The following JAKMIP3 variants were observed in gnomAD, a reference collection of about 807,000 sequenced individuals.
JAKMIP3 encodes Janus kinase and microtubule interacting protein 3, also known as janus kinase and microtubule-interacting protein 3.
In JAKMIP3, 58 loss-of-function variants were observed where a neutral mutation model predicts 118.5. That is an observed-to-expected ratio of 0.49 (90% CI 0.40 to 0.61). JAKMIP3 has a LOEUF of 0.61. JAKMIP3 is among the 20% of genes least tolerant of loss of function. JAKMIP3 has a pLI of 0.00. For missense variants in JAKMIP3, 950 were observed against 1,109.0 expected, an observed-to-expected ratio of 0.86 and a Z score of 2.04; for synonymous variants, 486 against 451.2, an observed-to-expected ratio of 1.08 and a Z score of -0.98.
intron 19 of JAKMIP3, among the ~76,000 whole-genome samples, chr10:132,159,262 TGTC>T (rs1419121531): frequency 1.6e-5 from 2 of 122,818 alleles, no homozygotes; most frequent in Non-Finnish European, 3.3e-5. Context: ...CCCTGTGTGA[TGTC>T]GGGGGCACCT....
At chr10:132,170,913 C>T (rs1025595537) in intron 23 of JAKMIP3, among the ~76,000 whole-genome samples, 12 of 152,324 alleles carry the variant, frequency 7.9e-5, no homozygotes, top group African/African-American at 1.9e-4. Context: ...GAAAGGAAAA[C>T]GTGTGAGTCA....
rs1196042572 is a variant in JAKMIP3, at chr10:132,049,643, C to T, written c.-138+12905C>T. Reference sequence around the variant, plus strand: ...TGTTTGGATGTACAGGTTTCTTCTGCCTTGTGTTTTTTCTTTTTTAAAAGT... The same window carrying T: ...TGTTTGGATGTACAGGTTTCTTCTGTCTTGTGTTTTTTCTTTTTTAAAAGT... On this transcript the variant is annotated intron_variant, in intron 1 of 23. Coordinates refer to the JAKMIP3 transcript ENST00000657785. This position sits in a 1 kb window ranked among gnomAD's most constrained non-coding sequence, Gnocchi z 4.3. Among the ~76,000 whole-genome samples the T allele has an allele frequency of 6.6e-6, 1 of 151,934 alleles. No individual in the cohort carries two copies. The highest frequency in any genetic ancestry group is 1.5e-5 in the Non-Finnish European group (1 of 68,004).
rs367925653 is a variant in JAKMIP3 at position 132,177,606 on chromosome 10, CTG to C, written c.*1104-4748_*1104-4747del. Among the ~76,000 whole-genome samples, 686 of 146,372 alleles carry C rather than the reference CTG, an allele frequency of 4.7e-3. 6 individuals carry two copies. The highest frequency in any genetic ancestry group is 0.017 in the African/African-American group (655 of 39,030). ...TGGGTAGGGTGCATGTCTGTGCACA[CTG>C]TGCATTTGGCCATGGTGTGTATACA... On this transcript the variant is annotated intron_variant, in intron 23 of 23. Transcript: ENST00000684848.
Position 132,153,796 on chromosome 10 carries a change from A to G in JAKMIP3, c.2111A>G (p.Gln704Arg). ...ATTGAGGAGACAGAGGCGGCGCTGC[A>G]GCGGAAGATGGTGGATCTGGAGAGC... ...QQIEETEAAL[Q>R]RKMVDLESEK... Residue 704 changes from glutamine to arginine, a missense_variant, in exon 18 of 24, where the codon CAG becomes CGG. Coordinates refer to ENST00000684848, the MANE Select transcript of JAKMIP3 (RefSeq NM_001323087.2). 1 of 1,613,038 alleles carries G rather than the reference A, an allele frequency of 6.2e-7. No homozygotes were observed.
At chr10:132,146,973 C>T (rs1426947573) in intron 13 of JAKMIP3, among the ~76,000 whole-genome samples, 1 of 152,230 alleles carries the variant, frequency 6.6e-6, no homozygotes, top group East Asian at 1.9e-4. Flanking sequence ...CACGCACACA[C>T]GTAAATGCTG....
intron 23 of JAKMIP3, among the ~76,000 whole-genome samples, chr10:132,180,887 ATGTG>A (rs933318773): frequency 1.3e-5 from 2 of 151,198 alleles, no homozygotes; most frequent in African/African-American, 2.4e-5. Flanking sequence ...ATGTGCATGT[ATGTG>A]TATGTGTTGT....
At chr10:132,148,498 C>T (rs1003942168) in intron 14 of JAKMIP3, among the ~76,000 whole-genome samples, 2 of 96,072 alleles carry the variant, frequency 2.1e-5, no homozygotes, top group Admixed American at 8.8e-5. Flanking sequence ...CCCAAGGAGC[C>T]GGCACGTCCG....
chr10:132,153,738 G>A (rs2056635409), intron 17 of JAKMIP3, 21 bp from the exon 18 acceptor site: 5 of 1,612,500 alleles, frequency 3.1e-6, no homozygotes, highest in Non-Finnish European at 2.5e-6. Flanking sequence ...TCACTGTCCT[G>A]CTTGTTCTGT....
At chr10:132,057,620 GAGC>G (rs1392914531) in intron 1 of JAKMIP3, among the ~76,000 whole-genome samples, 1 of 152,220 alleles carries the variant, frequency 6.6e-6, no homozygotes, top group Non-Finnish European at 1.5e-5. Flanking sequence ...GTCGTCACCT[GAGC>G]AGCCCTGCAC....
intron 1 of JAKMIP3, among the ~76,000 whole-genome samples, chr10:132,102,557 G>T (rs1293909206): frequency 6.6e-6 from 1 of 152,200 alleles, no homozygotes; most frequent in Non-Finnish European, 1.5e-5. Context: ...AGGGTGAGAC[G>T]TGCCCAGCCT....
chr10:132,126,827 A>G (rs1001253962), intron 3 of JAKMIP3, among the ~76,000 whole-genome samples: 4 of 152,202 alleles, frequency 2.6e-5, no homozygotes, highest in Non-Finnish European at 5.9e-5. Context: ...TATTTTTGGA[A>G]TAAATTTTAC....
chr10:132,124,791 G>A (rs572493449), intron 3 of JAKMIP3, among the ~76,000 whole-genome samples: 123 of 152,344 alleles, frequency 8.1e-4, no homozygotes, highest in Non-Finnish European at 1.3e-3. Context: ...GTGGTAGGTC[G>A]GGCAGCTGCT....
chr10:132,104,962 T>A lies in JAKMIP3; in HGVS notation c.135+19T>A, dbSNP rs10870253. ...GAGCAAGGTGGGCGCTCCCCAGACC[T>A]CCACCCTTGAATGTCCCTCCCTCCT... On this transcript the variant is annotated intron_variant, in intron 2 of 23. Coordinates refer to ENST00000684848, the MANE Select transcript of JAKMIP3 (RefSeq NM_001323087.2). 6.4e-7 allele frequency: 1 copy of A among 1,574,782 alleles called. No individual in the cohort carries two copies. The highest frequency in any genetic ancestry group is 8.6e-7 in the Non-Finnish European group (1 of 1,160,196).
rs562976642 is a variant in JAKMIP3, at chr10:132,133,333, G to A, written c.655G>A (p.Asp219Asn). Reference sequence around the variant, plus strand: ...GTAGATGGAGGAGATAAAATTTAAAGACAGAGCAGTCTTCGTGCTGGAGAG... The same window carrying A: ...GTAGATGGAGGAGATAAAATTTAAAAACAGAGCAGTCTTCGTGCTGGAGAG... Reference protein sequence around the residue: ...RRLMEEIKFKDRAVFVLEREL... With the variant: ...RRLMEEIKFKNRAVFVLEREL... The change falls in exon 4 of 24, where the codon GAC (aspartate) becomes AAC (asparagine). Residue 219 changes from aspartate to asparagine, a missense_variant. Coordinates refer to ENST00000684848, the MANE Select transcript of JAKMIP3 (RefSeq NM_001323087.2). The A allele has an allele frequency of 1.7e-5, 27 of 1,593,600 alleles. No individual in the cohort carries two copies. In the South Asian group the frequency reaches 2.9e-4, roughly 17 times the overall value.
intron 1 of JAKMIP3, among the ~76,000 whole-genome samples, chr10:132,051,869 A>G (rs951458734): frequency 2.6e-5 from 4 of 152,134 alleles, no homozygotes; most frequent in African/African-American, 9.7e-5. Flanking sequence ...CAGCCTCCTA[A>G]AGTGCTGGGA....
In JAKMIP3 at chr10:132,180,694, TGCGTGTGTGTGTGCGC is replaced by T. The variant is rs2061083108; in HGVS notation, c.*1104-1661_*1104-1646del. Reference sequence around the variant, plus strand: ...GTGTGTGCGCGCGCGTGTGTGTGCGTGCGTGTGTGTGTGCGCGTGTGTGTGCGTGTGTGTGCGTGTG... The same window carrying T: ...GTGTGTGCGCGCGCGTGTGTGTGCGTGTGTGTGTGCGTGTGTGTGCGTGTG... On this transcript the variant is annotated intron_variant, in intron 23 of 23. Transcript: ENST00000684848. Among the ~76,000 whole-genome samples the T allele has an allele frequency of 1.2e-4, 2 of 16,906 alleles. 1 individual carries two copies. The highest frequency in any genetic ancestry group is 2.3e-4 in the Non-Finnish European group (2 of 8,600). The allele number at this position is 16,906 out of a possible 152,430, so 11.1% of individuals were successfully genotyped here.
rs761693157 is a variant in JAKMIP3, at chr10:132,117,312, G to A, written c.371G>A (p.Arg124His). 11 of 1,613,868 alleles carry A rather than the reference G, an allele frequency of 6.8e-6. No individual in the cohort carries two copies. The highest frequency in any genetic ancestry group is 6.7e-5 in the East Asian group (3 of 44,886). ...QRLQALLSAL[R>H]DGGPEKVKTV... Reference sequence around the variant, plus strand: ...CTGCAGGCACTGCTCAGTGCCCTGCGTGATGGCGGCCCCGAAAAGGTCAAG... The same window carrying A: ...CTGCAGGCACTGCTCAGTGCCCTGCATGATGGCGGCCCCGAAAAGGTCAAG... The change falls in exon 3 of 24, where the codon CGT becomes CAT. Residue 124 changes from arginine (R) to histidine (H), a missense_variant. Coordinates refer to ENST00000684848, the MANE Select transcript of JAKMIP3 (RefSeq NM_001323087.2). This position sits in a 1 kb window ranked among gnomAD's most constrained non-coding sequence, Gnocchi z 8.6.
chr10:132,180,546 C>CGCGTGTGTGTGTGT lies in JAKMIP3; in HGVS notation c.*1104-1810_*1104-1809insCGTGTGTGTGTGTG, dbSNP rs1467305126. ...AACTGTGTGTGTGTGTGTGTGTGTG[C>CGCGTGTGTGTGTGT]GTGCGTGCATGCGTGTGTGTGCGTG... On this transcript the variant is annotated intron_variant, in intron 23 of 23. Transcript: ENST00000684848. 1.1e-3 allele frequency among the ~76,000 whole-genome samples: 17 copies of CGCGTGTGTGTGTGT among 15,948 alleles called. 7 individuals carry two copies. In the East Asian group the frequency reaches 0.012, roughly 11 times the overall value. The allele number at this position is 15,948 out of a possible 152,430, so 10.5% of individuals were successfully genotyped here.
chr10:132,112,980 A>G lies in JAKMIP3; in HGVS notation c.136-4097A>G, dbSNP rs1564912715. Among the ~76,000 whole-genome samples, 2 of 152,142 alleles carry G rather than the reference A, an allele frequency of 1.3e-5. No individual in the cohort carries two copies. The highest frequency in any genetic ancestry group is 2.9e-5 in the Non-Finnish European group (2 of 68,020). On this transcript the variant is annotated intron_variant, in intron 2 of 23. Coordinates refer to ENST00000684848, the MANE Select transcript of JAKMIP3 (RefSeq NM_001323087.2). The surrounding 1 kb of genome is among the most constrained non-coding windows in gnomAD (Gnocchi z 4.3). ...AGCATGCACAGCTAGGGTTTGAAAG[A>G]CTGTGACCGTCCCACTTTCTAAAGC...
Sources: allele counts gnomAD v4.1 joint callset (sites outside exome capture counted in the v4.1 genomes callset), GRCh38; gene constraint gnomAD v4.1.1; non-coding constraint Gnocchi (gnomAD v3.1); transcripts MANE v1.5; gene names NCBI Gene and HGNC (gene_info 2026-07-23, HGNC 2026-07-21).